KLRB1: variants seen among roughly 807,000 people sequenced by gnomAD.
The protein encoded by KLRB1 is killer cell lectin like receptor B1.
Under a neutral mutation model 33.5 loss-of-function variants are expected in KLRB1, and 27 were observed. The observed-to-expected ratio is 0.81, with a 90% confidence interval of 0.59 to 1.11. KLRB1 has a LOEUF of 1.11. Among genes scored for constraint, KLRB1 ranks in the 50% most tolerant of loss-of-function variants. The probability of loss-of-function intolerance (pLI) is 0.00; values close to 1 mark genes in which losing one functional copy is unlikely to be tolerated. For missense variants in KLRB1, 241 were observed against 254.1 expected, an observed-to-expected ratio of 0.95 and a Z score of 0.35; for synonymous variants, 64 against 88.9, an observed-to-expected ratio of 0.72 and a Z score of 1.58.
At chr12:9,599,939 C>G in intron 2 of KLRB1, 98 bp from the exon 3 acceptor site, 1 of 686,700 alleles carries the variant, frequency 1.5e-6, no homozygotes, top group Non-Finnish European at 2.6e-6. Context: ...AATCTCAACA[C>G]GCTTGAATAT....
At chr12:9,598,009 T>C in intron 5 of KLRB1, 37 bp downstream of exon 5, 1 of 948,602 alleles carries the variant, frequency 1.1e-6, no homozygotes, top group Non-Finnish European at 1.6e-6. Flanking sequence ...AAACCTGATA[T>C]AAATTGAATA....
Position 9,598,565 on chromosome 12 carries a change from A to G in KLRB1, c.348T>C (p.Asn116=). ...TGGTGGAACAATCAGCTAGACTGTT[A>G]TTCCAAGGGTTGACAGTGTGAGAAA... ...LLFSHTVNPW[N]NSLADCSTKE... is the part of the protein sequence containing the mutation. Residue 116 remains asparagine (N), a synonymous_variant, in exon 4 of 6, where the codon AAT becomes AAC. Transcript: ENST00000229402. The G allele has an allele frequency of 1.2e-6, 2 of 1,613,134 alleles. No homozygotes were observed. The highest frequency in any genetic ancestry group is 1.7e-6 in the Non-Finnish European group (2 of 1,179,206).
Position 9,598,631 on chromosome 12 carries a change from G to A in KLRB1, c.282C>T (p.Cys94=), listed in dbSNP as rs1864514189. 1 of 1,612,108 alleles carries A rather than the reference G, an allele frequency of 6.2e-7. No individual in the cohort carries two copies. Among genetic ancestry groups the A allele is most frequent in the Non-Finnish European group, 8.5e-7 (1 of 1,178,786 alleles). Residue 94 remains cysteine, a synonymous_variant, in exon 4 of 6, where the codon TGC becomes TGT. Transcript: ENST00000229402. The part of the protein sequence containing the change: ...KTTERPGLLN[C]PIYWQQLREK... ...CTCGGAGTTGCTGCCAATATATTGG[G>A]CAGTTTAAGAGACCCGGTCTCTCTA...
chr12:9,601,593 C>A lies in KLRB1; in HGVS notation c.92G>T (p.Cys31Phe), dbSNP rs139525269. 8.6e-5 allele frequency: 138 copies of A among 1,607,896 alleles called. No individual in the cohort carries two copies. In the African/African-American group the frequency reaches 1.5e-3, roughly 17 times the overall value. The change falls in exon 2 of 6, where the codon TGT (cysteine) becomes TTT (phenylalanine). Residue 31 changes from cysteine to phenylalanine, a missense_variant. Cys to Phe is a radical substitution (Grantham distance 205). Transcript: ENST00000229402. ...SSPSSLPRDV[C>F]QGSPWHQFAL... ...AAATTGATGCCAAGGTGAACCCTGA[C>A]AGACATCTGAAAAGTTAAAAAGAAA... is the stretch of plus-strand genomic sequence containing the variant.
rs1273361715 is a variant in KLRB1 at position 9,595,535 on chromosome 12, C to T, written c.531-114G>A. 3 of 922,864 alleles carry T rather than the reference C, an allele frequency of 3.3e-6. No individual in the cohort carries two copies. The East Asian group carries it at 7.3e-5, about 22-fold the overall frequency. 57.2% of individuals were successfully genotyped at this position (922,864 alleles called of 1,614,324 possible). A position where few individuals can be genotyped will look rare whatever the true frequency, so the allele number is the denominator to read the frequency against. On this transcript the variant is annotated intron_variant, in intron 5 of 5. Coordinates refer to ENST00000229402, the MANE Select transcript of KLRB1 (RefSeq NM_002258.3). ...AGCAGTAGAATGATAAACTATTAAA[C>T]AAAGAAGGCACACGGTCACAAATAT...
At chr12:9,607,327 C>CCT (rs1864620369) in intron 1 of KLRB1, among the ~76,000 whole-genome samples, 1 of 44,016 alleles carries the variant, frequency 2.3e-5, no homozygotes, top group Non-Finnish European at 5.4e-5. Flanking sequence ...TTTTCTTTCT[C>CCT]TTTCTTTCCT....
At chr12:9,595,444 G>C (rs964930252) in intron 5 of KLRB1, 23 bp from the exon 6 acceptor site, 4 of 1,607,562 alleles carry the variant, frequency 2.5e-6, no homozygotes, top group Non-Finnish European at 3.4e-6. Context: ...AGAAAAGTCT[G>C]TCTTAGCATT....
intron 1 of KLRB1, among the ~76,000 whole-genome samples, chr12:9,603,116 G>C (rs1293133438): frequency 1.3e-5 from 2 of 152,252 alleles, no homozygotes; most frequent in South Asian, 2.1e-4. Flanking sequence ...ATCAGTGGAG[G>C]GGGGCAGGGA....
In KLRB1 at chr12:9,601,503, G is replaced by A. The variant is rs765902738; in HGVS notation, c.182C>T (p.Ser61Leu). Residue 61 changes from serine to leucine, a missense_variant and splice_region_variant, in exon 2 of 6, where the codon TCA (serine) becomes TTA (leucine). Ser to Leu is a moderately radical substitution (Grantham distance 145). Coordinates refer to ENST00000229402, the MANE Select transcript of KLRB1 (RefSeq NM_002258.3). ...LVLVVTGLSVSVTSLIQKSSI... is the reference protein window; with the variant it reads ...LVLVVTGLSVLVTSLIQKSSI... ...ACAGATGATGGTGCCCCACTTACCTGAAACACTCAACCCAGTAACAACCAA... is the reference window on the plus strand; with the variant it reads ...ACAGATGATGGTGCCCCACTTACCTAAAACACTCAACCCAGTAACAACCAA... The A allele has an allele frequency of 6.2e-7, 1 of 1,608,422 alleles. No homozygotes were observed. The highest frequency in any genetic ancestry group is 1.3e-5 in the African/African-American group (1 of 74,890).
chr12:9,601,732 G>A (rs1241345449), intron 1 of KLRB1, 133 bp from the exon 2 acceptor site: 1 of 630,998 alleles, frequency 1.6e-6, no homozygotes. Flanking sequence ...CAGCTTGGGG[G>A]ATGGGGGCAG....
chr12:9,607,790 C>G lies in KLRB1; in HGVS notation c.50G>C (p.Gly17Ala), dbSNP rs768663861. The change falls in exon 1 of 6, where the codon GGC becomes GCC. Residue 17 changes from glycine to alanine, a missense_variant. By Grantham distance (60) the Gly-to-Ala change is moderately conservative. Coordinates refer to ENST00000229402, the MANE Select transcript of KLRB1 (RefSeq NM_002258.3). Reference protein sequence around the residue: ...YAELNLPTDSGPESSSPSSLP... With the variant: ...YAELNLPTDSAPESSSPSSLP... ...AGATGAAGGTGAAGAACTTTCTGGGCCTGAGTCTGTGGGTAAGTTTAACTC... is the reference window on the plus strand; with the variant it reads ...AGATGAAGGTGAAGAACTTTCTGGGGCTGAGTCTGTGGGTAAGTTTAACTC... 6.8e-6 allele frequency: 11 copies of G among 1,613,630 alleles called. No homozygotes were observed. In the South Asian group the frequency reaches 1.1e-4, roughly 16 times the overall value.
chr12:9,603,597 TA>T (rs552068644), intron 1 of KLRB1, among the ~76,000 whole-genome samples: 1,491 of 47,624 alleles, frequency 0.031, 28 homozygotes, highest in African/African-American at 0.081. Context: ...GCTAATTTTG[TA>T]TTTTTTTTTT....
At chr12:9,604,348 A>C (rs1032075244) in intron 1 of KLRB1, among the ~76,000 whole-genome samples, 1 of 152,148 alleles carries the variant, frequency 6.6e-6, no homozygotes, top group Non-Finnish European at 1.5e-5. Flanking sequence ...AGAATGGCTC[A>C]TATGTCCCTA....
rs1864511923 is a variant in KLRB1 at position 9,598,494 on chromosome 12, T to G, written c.414+5A>C. The G allele has an allele frequency of 1.9e-6, 3 of 1,603,544 alleles. No homozygotes were observed. In the East Asian group the frequency reaches 6.7e-5, roughly 36 times the overall value. ...TTTATTAAGGTATTTTATTTAATGA[T>G]TTACCAATTCATCCTTATCTCGAAT... On this transcript the variant is annotated splice_donor_5th_base_variant and intron_variant, in intron 4 of 5. Coordinates refer to ENST00000229402, the MANE Select transcript of KLRB1 (RefSeq NM_002258.3).
chr12:9,604,456 A>C (rs1864578337), intron 1 of KLRB1, among the ~76,000 whole-genome samples: 1 of 152,112 alleles, frequency 6.6e-6, no homozygotes, highest in Admixed American at 6.5e-5. Flanking sequence ...GAGTGACCAT[A>C]GCCTCAACAG....
chr12:9,595,613 T>A (rs2241006), intron 5 of KLRB1, among the ~76,000 whole-genome samples, 192 bp from the exon 6 acceptor site: 57,082 of 151,964 alleles, frequency 0.38, 11,972 homozygotes, highest in South Asian at 0.53. Flanking sequence ...AACTTCCAAG[T>A]TCATCTTCAT....
intron 1 of KLRB1, among the ~76,000 whole-genome samples, chr12:9,605,027 C>G (rs758668820): frequency 5.9e-5 from 9 of 152,188 alleles, no homozygotes; most frequent in Admixed American, 2.6e-4. Context: ...TGTGATGTTC[C>G]CTGCCCTGTG....
rs913688710 is a variant in KLRB1 at position 9,598,266 on chromosome 12, G to C, written c.415-105C>G. ...TCATCTCTGAAGTCTTTCCTAACTC[G>C]TCGTCAGCATTAATTATTCCTTCTT... On this transcript the variant is annotated intron_variant, in intron 4 of 5. Coordinates refer to ENST00000229402, the MANE Select transcript of KLRB1 (RefSeq NM_002258.3). 8.1e-5 allele frequency: 65 copies of C among 799,758 alleles called. No homozygotes were observed. In the African/African-American group the frequency reaches 1.1e-3, roughly 13 times the overall value. 49.5% of individuals were successfully genotyped at this position (799,758 alleles called of 1,614,324 possible). A position where few individuals can be genotyped will look rare whatever the true frequency, so the allele number is the denominator to read the frequency against.
chr12:9,595,309 T>A lies in KLRB1; in HGVS notation c.643A>T (p.Thr215Ser), dbSNP rs369315470. ...GGATACACTTTATTTCTCACAGGTG[T>A]TAGTTCTTTTTGGCAGATCCATCTG... is the stretch of plus-strand genomic sequence containing the variant. ...EIRWICQKEL[T>S]PVRNKVYPDS Residue 215 changes from threonine to serine, a missense_variant, in exon 6 of 6, where the codon ACA (threonine) becomes TCA (serine). By Grantham distance (58) the Thr-to-Ser change is moderately conservative. Coordinates refer to ENST00000229402, the MANE Select transcript of KLRB1 (RefSeq NM_002258.3). The A allele has an allele frequency of 1.1e-5, 18 of 1,613,304 alleles. No individual in the cohort carries two copies. The Admixed American group carries it at 1.7e-4, about 15-fold the overall frequency.
Sources: allele counts gnomAD v4.1 joint callset (sites outside exome capture counted in the v4.1 genomes callset), GRCh38; gene constraint gnomAD v4.1.1; transcripts MANE v1.5; gene names NCBI Gene and HGNC (gene_info 2026-07-23, HGNC 2026-07-21).